Variants in CEACAM21 observed in about 807,000 individuals in gnomAD.
CEACAM21 encodes the protein cell adhesion molecule CEACAM21.
In CEACAM21, 38 loss-of-function variants were observed where a neutral mutation model predicts 33.2. The observed-to-expected ratio is 1.14, with a 90% confidence interval of 0.88 to 1.50. The LOEUF is 1.50. CEACAM21 is among the 40% of genes most tolerant of loss of function. CEACAM21 has a pLI of 0.00. For missense variants in CEACAM21, 385 were observed against 364.6 expected, an observed-to-expected ratio of 1.06 and a Z score of -0.46; for synonymous variants, 156 against 143.0, an observed-to-expected ratio of 1.09 and a Z score of -0.65.
intron 4 of CEACAM21, 113 bp downstream of exon 4, chr19:41,584,556 C>T (rs868950722): frequency 4.5e-5 from 42 of 926,570 alleles, no homozygotes; most frequent in Middle Eastern, 4.9e-4. Context: ...CCCGACTCCC[C>T]AGGGATCCTT....
chr19:41,562,816 C>T (rs1471023606), intron 1 of CEACAM21, among the ~76,000 whole-genome samples: 2 of 152,074 alleles, frequency 1.3e-5, no homozygotes, highest in South Asian at 2.1e-4. Flanking sequence ...GCAAGCTCCA[C>T]CTCCCGGGTT....
intron 1 of CEACAM21, chr19:41,550,603 T>C (rs559871526): frequency 4.3e-4 from 66 of 152,248 alleles, no homozygotes; most frequent in African/African-American, 1.5e-3. Flanking sequence ...AAACCCCATC[T>C]CTAGTAAAAA....
chr19:41,554,846 C>G (rs560718238), intron 1 of CEACAM21: 3 of 152,018 alleles, frequency 2.0e-5, no homozygotes, highest in African/African-American at 4.8e-5. Context: ...TATGTTTACA[C>G]ACAAAAATAT....
At chr19:41,576,165 C>A, upstream of CEACAM21, 1 of 1,313,410 alleles carries the variant, frequency 7.6e-7, no homozygotes, top group Non-Finnish European at 1.1e-6. Flanking sequence ...GGAAGCTCAG[C>A]ATAGAGGAAG....
chr19:41,580,310 T>TGA (rs2043279691), intron 3 of CEACAM21, among the ~76,000 whole-genome samples: 1 of 151,242 alleles, frequency 6.6e-6, no homozygotes, highest in African/African-American at 2.4e-5. Flanking sequence ...CCAAATGTGA[T>TGA]GGGGGGGGGT....
intron 2 of CEACAM21, among the ~76,000 whole-genome samples, chr19:41,565,274 GGGA>G (rs1206691482): frequency 1.3e-5 from 2 of 152,086 alleles, no homozygotes; most frequent in East Asian, 1.9e-4. Flanking sequence ...AGGCACAGTG[GGGA>G]GGAGAAGGGG....
chr19:41,557,336 G>A (rs1387827471), intron 1 of CEACAM21, among the ~76,000 whole-genome samples: 2 of 152,150 alleles, frequency 1.3e-5, no homozygotes, highest in African/African-American at 4.8e-5. Flanking sequence ...ATCCTTGTGT[G>A]TCTCACCCTC....
chr19:41,560,185 A>G (rs1284366994), intron 1 of CEACAM21, among the ~76,000 whole-genome samples: 1 of 152,186 alleles, frequency 6.6e-6, no homozygotes, highest in Non-Finnish European at 1.5e-5. Context: ...GAAAAAAGGA[A>G]GCAGATGCTT....
chr19:41,571,079 A>AC (rs2042581802), intron 2 of CEACAM21, among the ~76,000 whole-genome samples: 2 of 151,840 alleles, frequency 1.3e-5, no homozygotes, highest in African/African-American at 4.9e-5. Flanking sequence ...AGCACCATCC[A>AC]CCCACTCAAT....
exon 2 of CEACAM21, chr19:41,564,908 C>T (rs1002010373): frequency 3.9e-5 from 6 of 152,312 alleles, no homozygotes; most frequent in Non-Finnish European, 5.9e-5. Context: ...CGGAGGTCCT[C>T]ACGGCGCTCC....
chr19:41,562,274 G>GA (rs1319000261), intron 1 of CEACAM21, among the ~76,000 whole-genome samples: 19 of 126,484 alleles, frequency 1.5e-4, no homozygotes, highest in South Asian at 9.6e-4. Context: ...AAGAAAGAAA[G>GA]AAAGAAAAAA....
intron 3 of CEACAM21, among the ~76,000 whole-genome samples, chr19:41,580,950 C>T (rs1175786608): frequency 2.0e-5 from 3 of 152,348 alleles, no homozygotes; most frequent in East Asian, 1.9e-4. Context: ...TGCCAGTCAT[C>T]AGTCAATTAT....
Position 41,579,339 on chromosome 19 carries a change from C to G in CEACAM21, c.425-14C>G. ...TGGCCCCAAGACACTTTCTGTTGGT[C>G]ACTCTATCCACAGAGTCAGTGGCTC... On this transcript the variant is annotated splice_polypyrimidine_tract_variant and intron_variant, in intron 2 of 6. Coordinates refer to ENST00000401445, the MANE Select transcript of CEACAM21 (RefSeq NM_001098506.4). 6.2e-7 allele frequency: 1 copy of G among 1,613,986 alleles called. No homozygotes were observed. Among genetic ancestry groups the G allele is most frequent in the East Asian group, 2.2e-5 (1 of 44,884 alleles).
intron 5 of CEACAM21, 70 bp downstream of exon 5, chr19:41,585,565 G>A (rs2070672512): frequency 1.3e-6 from 2 of 1,518,798 alleles, no homozygotes; most frequent in East Asian, 2.3e-5. Context: ...ACTCCTGCCA[G>A]TTACACCCAG....
intron 1 of CEACAM21, among the ~76,000 whole-genome samples, chr19:41,553,927 C>T (rs544630293): frequency 7.4e-6 from 1 of 134,608 alleles, no homozygotes; most frequent in African/African-American, 2.5e-5. Flanking sequence ...ATTAAGAATA[C>T]CCACAAATAG....
chr19:41,579,777 C>T, intron 3 of CEACAM21, 149 bp downstream of exon 3: 1 of 637,344 alleles, frequency 1.6e-6, no homozygotes, highest in South Asian at 2.1e-5. Flanking sequence ...TTAGACTCAT[C>T]CAGTTATCAT....
At chr19:41,559,658 G>A (rs1273836691) in intron 1 of CEACAM21, among the ~76,000 whole-genome samples, 1 of 152,184 alleles carries the variant, frequency 6.6e-6, no homozygotes, top group Non-Finnish European at 1.5e-5. Flanking sequence ...AAGAAAAAGT[G>A]AGAGAAGACG....
At chr19:41,579,730 C>G in intron 3 of CEACAM21, 102 bp downstream of exon 3, 1 of 851,218 alleles carries the variant, frequency 1.2e-6, no homozygotes, top group East Asian at 2.7e-5. Flanking sequence ...GAGATTCCTT[C>G]AGAGCCTGGG....
chr19:41,570,940 G>A (rs1356576831), intron 2 of CEACAM21, among the ~76,000 whole-genome samples: 3 of 152,114 alleles, frequency 2.0e-5, no homozygotes, highest in Non-Finnish European at 4.4e-5. Context: ...AAGTGGTGGG[G>A]AGACATGGGA....
Sources: allele counts gnomAD v4.1 joint callset (sites outside exome capture counted in the v4.1 genomes callset), GRCh38; gene constraint gnomAD v4.1.1; transcripts MANE v1.5; gene names NCBI Gene and HGNC (gene_info 2026-07-23, HGNC 2026-07-21).